Variants in PEBP4 observed in about 807,000 individuals in gnomAD.
The protein encoded by PEBP4 is phosphatidylethanolamine-binding protein 4.
Under a neutral mutation model 23.9 loss-of-function variants are expected in PEBP4, and 22 were observed. The observed-to-expected ratio is 0.92, with a 90% CI of 0.66 to 1.31. PEBP4 has a LOEUF of 1.31. Ranked by LOEUF, PEBP4 falls within the 40% of genes most tolerant of loss-of-function variation. The probability of loss-of-function intolerance (pLI) is 0.00; values close to 1 mark genes in which losing one functional copy is unlikely to be tolerated. For missense variants in PEBP4, 324 were observed against 281.7 expected (o/e 1.15, Z -1.07); for synonymous variants, 112 against 99.3 (o/e 1.13, Z -0.76).
At position 22,765,423 on chromosome 8, in the gene PEBP4, C is replaced by T. The variant is rs192654547; in HGVS notation, c.358-38203G>A. Among the ~76,000 whole-genome samples the T allele has an allele frequency of 4.6e-5, 7 of 152,300 alleles. 1 individual carries two copies. The East Asian group carries it at 1.4e-3, about 29-fold the overall frequency. On this transcript the variant is annotated intron_variant, in intron 4 of 6. Coordinates refer to ENST00000256404, the MANE Select transcript of PEBP4 (RefSeq NM_144962.3). Reference sequence around the variant, plus strand: ...CCTCCCAAAGTGCTGGGATTATAGGCGTGAGCTGCTGCACCCAGCCCAGGT... The same window carrying T: ...CCTCCCAAAGTGCTGGGATTATAGGTGTGAGCTGCTGCACCCAGCCCAGGT...
At chr8:22,870,587 T>C (rs1055736365) in intron 3 of PEBP4, among the ~76,000 whole-genome samples, 1 of 152,108 alleles carries the variant, frequency 6.6e-6, no homozygotes, top group Admixed American at 6.6e-5. Flanking sequence ...GTATGGGCGT[T>C]GGGTGAGAAT....
chr8:22,815,637 G>A (rs935436278), intron 4 of PEBP4, among the ~76,000 whole-genome samples: 1 of 152,234 alleles, frequency 6.6e-6, no homozygotes, highest in East Asian at 1.9e-4. Flanking sequence ...ACGGAAACCC[G>A]CGCCTCCTCC....
At chr8:22,718,217 G>C (rs1426809510) in intron 6 of PEBP4, among the ~76,000 whole-genome samples, 1 of 152,166 alleles carries the variant, frequency 6.6e-6, no homozygotes, top group African/African-American at 2.4e-5. Context: ...GGACCCAGGA[G>C]GGCTGAAGAG....
At chr8:22,753,155 T>C (rs963442069) in intron 4 of PEBP4, among the ~76,000 whole-genome samples, 2 of 152,148 alleles carry the variant, frequency 1.3e-5, no homozygotes, top group Non-Finnish European at 2.9e-5. Flanking sequence ...CTACAGGGGA[T>C]ACAAAAATTA....
chr8:22,861,886 C>T (rs6557597), intron 3 of PEBP4, among the ~76,000 whole-genome samples: 135,211 of 152,208 alleles, frequency 0.89, 60,805 homozygotes, highest in Non-Finnish European at 0.96. Context: ...TGCGCTTTAG[C>T]GATAAGATCT....
At chr8:22,923,336 G>T (rs1271584480) in intron 2 of PEBP4, among the ~76,000 whole-genome samples, 2 of 152,136 alleles carry the variant, frequency 1.3e-5, no homozygotes, top group East Asian at 3.8e-4. Flanking sequence ...GGAGGCTGAG[G>T]TGAGATGATC....
At chr8:22,860,188 A>G (rs1585310915) in intron 3 of PEBP4, among the ~76,000 whole-genome samples, 1 of 30,154 alleles carries the variant, frequency 3.3e-5, no homozygotes, top group Non-Finnish European at 1.0e-4. Flanking sequence ...ATACACATAT[A>G]TATGTATATA....
chr8:22,903,634 C>G, intron 3 of PEBP4, among the ~76,000 whole-genome samples: 1 of 152,188 alleles, frequency 6.6e-6, no homozygotes, highest in Non-Finnish European at 1.5e-5. Flanking sequence ...AGCCCCCAGC[C>G]CGGGCTCCTG....
intron 4 of PEBP4, among the ~76,000 whole-genome samples, chr8:22,776,186 G>A (rs112435918): frequency 1.3e-5 from 2 of 152,192 alleles, no homozygotes; most frequent in Non-Finnish European, 2.9e-5. Context: ...TGACGCCAGC[G>A]CTCACACCCT....
intron 4 of PEBP4, among the ~76,000 whole-genome samples, chr8:22,792,526 A>G (rs1037001851): frequency 6.6e-6 from 1 of 151,980 alleles, no homozygotes; most frequent in Admixed American, 6.6e-5. Context: ...TCTTCCATAG[A>G]GCCTTTCCTG....
At chr8:22,749,073 G>A (rs964988919) in intron 4 of PEBP4, among the ~76,000 whole-genome samples, 1 of 152,176 alleles carries the variant, frequency 6.6e-6, no homozygotes, top group Non-Finnish European at 1.5e-5. Context: ...GTGGGAACAG[G>A]AGGGGTGTCC....
chr8:22,725,045 C>T (rs770462024), intron 5 of PEBP4, 89 bp from the exon 6 acceptor site: 14 of 1,078,914 alleles, frequency 1.3e-5, no homozygotes, highest in Admixed American at 1.9e-5. Context: ...CTGCTGACCT[C>T]CCTGGGGCCC....
At chr8:22,778,486 G>A (rs1041293341) in intron 4 of PEBP4, among the ~76,000 whole-genome samples, 1 of 152,028 alleles carries the variant, frequency 6.6e-6, no homozygotes, top group Non-Finnish European at 1.5e-5. Context: ...TTGGGTTCGA[G>A]TGATAACTTG....
intron 4 of PEBP4, among the ~76,000 whole-genome samples, chr8:22,789,473 G>C (rs915155490): frequency 1.1e-4 from 16 of 152,240 alleles, no homozygotes; most frequent in African/African-American, 3.9e-4. Flanking sequence ...ACCCCTCAGA[G>C]AGACCCCGCT....
chr8:22,739,309 G>T (rs1293989661), intron 4 of PEBP4, among the ~76,000 whole-genome samples: 1 of 152,204 alleles, frequency 6.6e-6, no homozygotes, highest in Non-Finnish European at 1.5e-5. Flanking sequence ...GGAAATGGAT[G>T]CAGTTAATCC....
chr8:22,797,860 G>T (rs966904001), intron 4 of PEBP4, among the ~76,000 whole-genome samples: 27 of 152,202 alleles, frequency 1.8e-4, no homozygotes, highest in African/African-American at 6.5e-4. Flanking sequence ...CCCTGACCAG[G>T]ATGATGGCCA....
At chr8:22,827,754 T>C (rs1807003126) in intron 3 of PEBP4, among the ~76,000 whole-genome samples, 1 of 152,244 alleles carries the variant, frequency 6.6e-6, no homozygotes, top group South Asian at 2.1e-4. Flanking sequence ...ACGTCTAGAG[T>C]GGAACTGCTG....
At chr8:22,866,117 G>A (rs763308300) in intron 3 of PEBP4, among the ~76,000 whole-genome samples, 22 of 152,352 alleles carry the variant, frequency 1.4e-4, no homozygotes, top group Non-Finnish European at 2.5e-4. Context: ...AGTTTTCAGA[G>A]CAATTCCACG....
Position 22,713,539 on chromosome 8 carries a change from G to A in PEBP4, c.518-3C>T. 1 of 1,614,184 alleles carries A rather than the reference G, an allele frequency of 6.2e-7. No individual in the cohort carries two copies. Among genetic ancestry groups the A allele is most frequent in the Non-Finnish European group, 8.5e-7 (1 of 1,180,022 alleles). The stretch of plus-strand genomic sequence containing the variant: ...AAATCTGTCCATTTTCCAAGAGCCT[G>A]GAAGGACAAACAGACCACAGGGAGG... On this transcript the variant is annotated splice_polypyrimidine_tract_variant and splice_region_variant and intron_variant, in intron 6 of 6. Coordinates refer to ENST00000256404, the MANE Select transcript of PEBP4 (RefSeq NM_144962.3).
Sources: gnomAD v4.1 joint callset for allele counts (sites outside exome capture counted in the v4.1 genomes callset) on GRCh38, gnomAD v4.1.1 for gene constraint, MANE v1.5 for transcripts, NCBI Gene and HGNC (gene_info 2026-07-23, HGNC 2026-07-21) for gene names.